DIPK1A: variants seen among roughly 807,000 people sequenced by gnomAD.
The protein encoded by DIPK1A is family with sequence similarity 69 member A.
A neutral mutation model predicts 40.8 loss-of-function variants in DIPK1A; 27 were observed. The observed-to-expected ratio is 0.66, with a 90% CI of 0.49 to 0.91. The LOEUF is 0.91. Among genes scored for constraint, DIPK1A ranks in the 40% least tolerant of loss-of-function variants. The pLI, the probability that DIPK1A is intolerant of heterozygous loss-of-function variation, is 0.00. For synonymous variants in DIPK1A, 166 were observed against 171.3 expected, an observed-to-expected ratio of 0.97 and a Z score of 0.24; for missense variants, 412 against 505.7, an observed-to-expected ratio of 0.81 and a Z score of 1.78.
chr1:92,849,686 G>C (rs1198624947), intron 3 of DIPK1A, among the ~76,000 whole-genome samples: 1 of 151,652 alleles, frequency 6.6e-6, no homozygotes, highest in East Asian at 1.9e-4. Context: ...CTAATTTTTT[G>C]TGTTTTTAGT....
intron 1 of DIPK1A, among the ~76,000 whole-genome samples, chr1:92,943,441 G>A (rs932858464): frequency 6.6e-6 from 1 of 152,148 alleles, no homozygotes; most frequent in East Asian, 1.9e-4. Context: ...GGGAGGGCAG[G>A]AGTGAGAAGT....
At chr1:92,866,182 G>A (rs1647528023) in intron 2 of DIPK1A, among the ~76,000 whole-genome samples, 1 of 152,128 alleles carries the variant, frequency 6.6e-6, no homozygotes, top group African/African-American at 2.4e-5. Context: ...GCTCACTGCA[G>A]CCTCCGTCTC....
chr1:92,960,739 C>T (rs1469715908), intron 1 of DIPK1A, among the ~76,000 whole-genome samples: 1 of 152,238 alleles, frequency 6.6e-6, no homozygotes, highest in Middle Eastern at 3.2e-3. Flanking sequence ...AAACACCCAT[C>T]CGCCTGGTTC....
Position 92,843,564 on chromosome 1 carries a change from A to T in DIPK1A, c.1106T>A (p.Leu369Ter). Residue 369 changes from leucine to a stop codon, truncating the protein, a stop_gained, in exon 5 of 5, where the codon TTA becomes TAA. Transcript: ENST00000370310. LOFTEE classifies it high-confidence loss of function. ...IQPNLAKACQ[L>*]LKDYLLRGAP... Reference sequence around the variant, plus strand: ...ACCACGCAGTAGGTAGTCTTTGAGTAACTGACAAGCTTTTGCCAAGTTTGG... The same window carrying T: ...ACCACGCAGTAGGTAGTCTTTGAGTTACTGACAAGCTTTTGCCAAGTTTGG... The T allele has an allele frequency of 6.4e-7, 1 of 1,552,122 alleles. No individual in the cohort carries two copies. Among genetic ancestry groups the T allele is most frequent in the Non-Finnish European group, 8.7e-7 (1 of 1,147,086 alleles).
At chr1:92,900,702 A>C (rs1649376498) in intron 1 of DIPK1A, among the ~76,000 whole-genome samples, 1 of 152,022 alleles carries the variant, frequency 6.6e-6, no homozygotes, top group South Asian at 2.1e-4. Flanking sequence ...TGAGGCCCAA[A>C]TCTTCAGAGC....
intron 2 of DIPK1A, among the ~76,000 whole-genome samples, chr1:92,868,138 A>G (rs76543137): frequency 0.021 from 3,129 of 152,324 alleles, 78 homozygotes; most frequent in African/African-American, 0.057. Context: ...GAGCCTGTAT[A>G]GTGTAGTTAA....
intron 2 of DIPK1A, among the ~76,000 whole-genome samples, chr1:92,866,568 G>A (rs1343817673): frequency 6.6e-6 from 1 of 152,102 alleles, no homozygotes; most frequent in Non-Finnish European, 1.5e-5. Context: ...CTTTTGATCT[G>A]CCAACTAGGT....
At chr1:92,877,779 C>T (rs936740948) in intron 1 of DIPK1A, among the ~76,000 whole-genome samples, 1 of 152,012 alleles carries the variant, frequency 6.6e-6, no homozygotes, top group African/African-American at 2.4e-5. Flanking sequence ...GGGTATATAC[C>T]ATGGGGTTTG....
At chr1:92,839,417 T>G (rs1687265085), downstream of DIPK1A, among the ~76,000 whole-genome samples, 1 of 152,200 alleles carries the variant, frequency 6.6e-6, no homozygotes, top group African/African-American at 2.4e-5. Context: ...GGAAAACTTC[T>G]GACATCTTTC....
chr1:92,872,458 A>G (rs1355608447), intron 2 of DIPK1A, among the ~76,000 whole-genome samples: 1 of 152,048 alleles, frequency 6.6e-6, no homozygotes, highest in Non-Finnish European at 1.5e-5. Context: ...CTTTATTCCT[A>G]TTTAACTGAA....
chr1:92,872,536 G>C (rs965613728), intron 2 of DIPK1A, among the ~76,000 whole-genome samples: 6 of 152,086 alleles, frequency 3.9e-5, no homozygotes, highest in Admixed American at 3.9e-4. Context: ...CTGGAGATCT[G>C]CTTCTAGTAT....
chr1:92,918,950 A>G (rs989065697), intron 1 of DIPK1A, among the ~76,000 whole-genome samples: 1 of 152,132 alleles, frequency 6.6e-6, no homozygotes, highest in Non-Finnish European at 1.5e-5. Context: ...CAGGAGGCGG[A>G]GCTCAGACAG....
chr1:92,870,122 T>G (rs1647766752), intron 2 of DIPK1A, among the ~76,000 whole-genome samples: 1 of 150,716 alleles, frequency 6.6e-6, no homozygotes, highest in Admixed American at 6.6e-5. Flanking sequence ...ACATATCTGT[T>G]GCTCTCCTCC....
intron 2 of DIPK1A, among the ~76,000 whole-genome samples, chr1:92,875,713 CAAAAA>C: frequency 1.8e-5 from 1 of 54,424 alleles, no homozygotes; most frequent in Admixed American, 2.1e-4. Context: ...GACTTCGTCT[CAAAAA>C]AAAAAAAAAA....
At chr1:92,838,248 A>C (rs1375794576), downstream of DIPK1A, among the ~76,000 whole-genome samples, 1 of 152,242 alleles carries the variant, frequency 6.6e-6, no homozygotes, top group Non-Finnish European at 1.5e-5. Context: ...ACACAGTGTA[A>C]AGGCTGAATA....
chr1:92,833,470 T>C (rs974629918), intron 4 of DIPK1A: 2 of 1,613,574 alleles, frequency 1.2e-6, no homozygotes, highest in Non-Finnish European at 1.7e-6. Flanking sequence ...TACTGTCACC[T>C]TTTTGTGTTT....
downstream of DIPK1A, chr1:92,837,752 T>A: frequency 1.3e-6 from 1 of 788,718 alleles, no homozygotes; most frequent in Non-Finnish European, 2.1e-6. Context: ...TGAGCTAGAC[T>A]TGTCAACATT....
At chr1:92,914,774 GA>G (rs112356216) in intron 1 of DIPK1A, among the ~76,000 whole-genome samples, 160 of 129,536 alleles carry the variant, frequency 1.2e-3, no homozygotes, top group Non-Finnish European at 1.6e-3. Context: ...GTCTCAAAAA[GA>G]AAAAAAAAAA....
intron 1 of DIPK1A, among the ~76,000 whole-genome samples, chr1:92,923,084 T>G (rs938559679): frequency 6.6e-6 from 1 of 152,190 alleles, no homozygotes; most frequent in Non-Finnish European, 1.5e-5. Context: ...TTTCCATGCT[T>G]ATTGTTCCCT....
Sources: allele counts gnomAD v4.1 joint callset (sites outside exome capture counted in the v4.1 genomes callset), GRCh38; gene constraint gnomAD v4.1.1; transcripts MANE v1.5; gene names NCBI Gene and HGNC (gene_info 2026-07-23, HGNC 2026-07-21).